The following FAM114A1 variants were observed in gnomAD, a reference collection of about 807,000 sequenced individuals.
FAM114A1 encodes the protein family with sequence similarity 114 member A1, also known as protein NOXP20.
A neutral mutation model predicts 64.3 loss-of-function variants in FAM114A1; 62 were observed. That is an observed-to-expected ratio of 0.96 (90% CI 0.79 to 1.19). The LOEUF is 1.19. Ranked by LOEUF, FAM114A1 falls within the 50% of genes most tolerant of loss-of-function variation. The pLI, the probability that FAM114A1 is intolerant of heterozygous loss-of-function variation, is 0.00. For synonymous variants in FAM114A1, 254 were observed against 251.1 expected, an observed-to-expected ratio of 1.01 and a Z score of -0.11; for missense variants, 645 against 676.3, an observed-to-expected ratio of 0.95 and a Z score of 0.51.
intron 13 of FAM114A1, among the ~76,000 whole-genome samples, chr4:38,937,796 G>T (rs929475443): frequency 6.6e-6 from 1 of 152,040 alleles, no homozygotes; most frequent in South Asian, 2.1e-4. Context: ...GTGCAGTGGC[G>T]CGATCTTGGC....
intron 4 of FAM114A1, among the ~76,000 whole-genome samples, chr4:38,903,298 A>C (rs1717682928): frequency 6.6e-6 from 1 of 152,234 alleles, no homozygotes; most frequent in Non-Finnish European, 1.5e-5. Context: ...TTCTTCCTGC[A>C]AAAGGAACCA....
intron 13 of FAM114A1, among the ~76,000 whole-genome samples, chr4:38,938,205 T>C (rs111742132): frequency 1.8e-4 from 27 of 152,172 alleles, no homozygotes; most frequent in African/African-American, 6.5e-4. Flanking sequence ...TTGGGGACAG[T>C]GTCTCATTGT....
chr4:38,940,982 C>T lies in FAM114A1; in HGVS notation c.1551C>T (p.Ala517=), dbSNP rs750624006. 7.9e-5 allele frequency: 127 copies of T among 1,613,928 alleles called. No individual in the cohort carries two copies. Among genetic ancestry groups the T allele is most frequent in the Non-Finnish European group, 9.3e-5 (110 of 1,179,996 alleles). ...TGATTCCACAGAGCAACAAGAAGGC[C>T]GAGGTCCTTAACCCCATGATCAGTA... The part of the protein sequence containing the change: ...SLTTVGSNKK[A]EVLNPMISSV... The change falls in exon 14 of 15, where the codon GCC becomes GCT. Residue 517 remains alanine (A), a synonymous_variant. Coordinates refer to ENST00000358869, the MANE Select transcript of FAM114A1 (RefSeq NM_138389.4).
rs565049279 is a variant in FAM114A1, at chr4:38,905,500, A to T, written c.437-22A>T. On this transcript the variant is annotated intron_variant, in intron 4 of 14. Coordinates refer to ENST00000358869, the MANE Select transcript of FAM114A1 (RefSeq NM_138389.4). ...CCGTGGATTTCTAATGTATCCATGA[A>T]CCATATTTTTATTTCCAACAGGTCA... 1.2e-4 allele frequency: 193 copies of T among 1,560,802 alleles called. 2 individuals carry two copies. The South Asian group carries it at 2.1e-3, about 17-fold the overall frequency.
chr4:38,895,856 A>G (rs1259411955), intron 4 of FAM114A1, among the ~76,000 whole-genome samples: 1 of 152,350 alleles, frequency 6.6e-6, no homozygotes, highest in East Asian at 1.9e-4. Context: ...TGTGTATTTC[A>G]CACATCTAAA....
intron 7 of FAM114A1, among the ~76,000 whole-genome samples, chr4:38,911,182 T>G (rs1463321652): frequency 1.3e-5 from 2 of 152,156 alleles, no homozygotes; most frequent in South Asian, 2.1e-4. Context: ...GGAGAACCAT[T>G]AGACCAGGAT....
chr4:38,914,838 C>T, intron 7 of FAM114A1, 83 bp from the exon 8 acceptor site: 1 of 1,464,562 alleles, frequency 6.8e-7, no homozygotes, highest in Non-Finnish European at 9.2e-7. Flanking sequence ...CAAAATCAGT[C>T]CTCCCAACCT....
chr4:38,872,363 A>G (rs1467648668), intron 2 of FAM114A1, among the ~76,000 whole-genome samples: 1 of 152,246 alleles, frequency 6.6e-6, no homozygotes, highest in Non-Finnish European at 1.5e-5. Flanking sequence ...ACATGAGGGC[A>G]AGGCTTGTAC....
At chr4:38,894,378 C>G (rs144170698) in intron 4 of FAM114A1, among the ~76,000 whole-genome samples, 1 of 152,234 alleles carries the variant, frequency 6.6e-6, no homozygotes, top group Non-Finnish European at 1.5e-5. Flanking sequence ...GCATCTGGCT[C>G]TGAGTAATCA....
At chr4:38,885,031 G>A (rs189132075) in intron 3 of FAM114A1, among the ~76,000 whole-genome samples, 138 of 152,312 alleles carry the variant, frequency 9.1e-4, no homozygotes, top group Non-Finnish European at 1.5e-3. Context: ...CTGGAGTGCA[G>A]TGGCATGATC....
intron 14 of FAM114A1, among the ~76,000 whole-genome samples, chr4:38,941,399 A>G (rs993767729): frequency 6.6e-6 from 1 of 152,216 alleles, no homozygotes; most frequent in African/African-American, 2.4e-5. Context: ...TTCTATTTAG[A>G]ATAACCTTTG....
chr4:38,895,376 G>A (rs1420835864), intron 4 of FAM114A1, among the ~76,000 whole-genome samples: 2 of 152,144 alleles, frequency 1.3e-5, no homozygotes, highest in African/African-American at 4.8e-5. Context: ...GCTTCAAATC[G>A]CTACCTTCAG....
At chr4:38,895,504 C>G (rs1716841551) in intron 4 of FAM114A1, among the ~76,000 whole-genome samples, 1 of 152,174 alleles carries the variant, frequency 6.6e-6, no homozygotes, top group Non-Finnish European at 1.5e-5. Flanking sequence ...TGAAAATTCT[C>G]CCCATCATTG....
chr4:38,914,266 T>C (rs1048971374), intron 7 of FAM114A1, among the ~76,000 whole-genome samples: 3 of 151,888 alleles, frequency 2.0e-5, no homozygotes, highest in African/African-American at 4.8e-5. Context: ...TTGGGGACTT[T>C]AGAAAATAAG....
rs1394620291 is a variant in FAM114A1, at chr4:38,878,365, A to G, written c.287A>G (p.Asp96Gly). The G allele has an allele frequency of 6.2e-7, 1 of 1,613,580 alleles. No homozygotes were observed. Among genetic ancestry groups the G allele is most frequent in the Non-Finnish European group, 8.5e-7 (1 of 1,179,674 alleles). Residue 96 changes from aspartate (D) to glycine (G), a missense_variant, in exon 3 of 15, where the codon GAT becomes GGT. Transcript: ENST00000358869. ...VTEDTLAECI[D>G]SVSLEAEPRS... ...GAGGATACACTTGCTGAATGTATTG[A>G]TTCCGTCAGCCTTGAGGCAGAACCC...
At chr4:38,925,642 A>T (rs932729141) in intron 9 of FAM114A1, among the ~76,000 whole-genome samples, 7 of 152,134 alleles carry the variant, frequency 4.6e-5, no homozygotes, top group African/African-American at 9.7e-5. Context: ...TTAGCTAATG[A>T]TTTGCATGTT....
At chr4:38,879,181 A>G (rs1358084265) in intron 3 of FAM114A1, among the ~76,000 whole-genome samples, 1 of 152,088 alleles carries the variant, frequency 6.6e-6, no homozygotes, top group East Asian at 1.9e-4. Flanking sequence ...TTAAAGAAGG[A>G]GACAGGCTGC....
In FAM114A1 at chr4:38,943,485, T is replaced by A. The variant is rs915447476; in HGVS notation, c.1620T>A (p.Asp540Glu). Residue 540 changes from aspartate to glutamate, a missense_variant, in exon 15 of 15, where the codon GAT becomes GAA. Coordinates refer to ENST00000358869, the MANE Select transcript of FAM114A1 (RefSeq NM_138389.4). ...EGCNSTTYIQ[D>E]AFQLLLPVLQ... ...GCAACAGTACAACGTACATACAGGA[T>A]GCCTTCCAGCTGCTGCTGCCTGTTC... 1.4e-5 allele frequency: 23 copies of A among 1,614,028 alleles called. No individual in the cohort carries two copies. The highest frequency in any genetic ancestry group is 1.9e-5 in the Non-Finnish European group (23 of 1,180,012).
At chr4:38,928,873 G>A (rs1269518662) in intron 9 of FAM114A1, among the ~76,000 whole-genome samples, 2 of 152,198 alleles carry the variant, frequency 1.3e-5, no homozygotes, top group Non-Finnish European at 2.9e-5. Context: ...AGGTCTCTTA[G>A]GCCTGAGAAA....
Sources: allele counts gnomAD v4.1 joint callset (sites outside exome capture counted in the v4.1 genomes callset), GRCh38; gene constraint gnomAD v4.1.1; transcripts MANE v1.5; gene names NCBI Gene and HGNC (gene_info 2026-07-23, HGNC 2026-07-21).